The following ADSS2 variants were observed in gnomAD, a reference collection of about 807,000 sequenced individuals.
The protein encoded by ADSS2 is adenylosuccinate synthetase isozyme 2.
In ADSS2, 30 loss-of-function variants were observed where a neutral mutation model predicts 60.0. That is an observed-to-expected ratio of 0.50 (90% CI 0.37 to 0.68). The LOEUF is 0.68. Among genes scored for constraint, ADSS2 ranks in the 30% least tolerant of loss-of-function variants. The pLI is 0.00. For missense variants in ADSS2, 373 were observed against 554.8 expected (o/e 0.67, Z 3.29); for synonymous variants, 187 against 193.1 (o/e 0.97, Z 0.26).
At chr1:244,422,077 T>C (rs1664688229) in intron 7 of ADSS2, among the ~76,000 whole-genome samples, 1 of 152,164 alleles carries the variant, frequency 6.6e-6, no homozygotes, top group Non-Finnish European at 1.5e-5. Context: ...ATACCTAACA[T>C]TTAGAATGTT....
At chr1:244,415,843 G>A in intron 11 of ADSS2, 138 bp downstream of exon 11, 1 of 620,736 alleles carries the variant, frequency 1.6e-6, no homozygotes, top group South Asian at 2.1e-5. Context: ...CTAATAATAA[G>A]TGAGCAAATT....
At chr1:244,436,766 G>C in intron 3 of ADSS2, 59 bp downstream of exon 3, 2 of 1,429,944 alleles carry the variant, frequency 1.4e-6, no homozygotes, top group South Asian at 2.4e-5. Context: ...TCTGGCATAA[G>C]ATCCTAATAA....
At chr1:244,415,326 T>C (rs1664504481) in intron 11 of ADSS2, among the ~76,000 whole-genome samples, 1 of 152,202 alleles carries the variant, frequency 6.6e-6, no homozygotes, top group African/African-American at 2.4e-5. Context: ...GTAGATACTT[T>C]TTTATAAGAT....
intron 1 of ADSS2, among the ~76,000 whole-genome samples, chr1:244,440,322 A>T (rs1308915174): frequency 6.6e-6 from 1 of 152,208 alleles, no homozygotes; most frequent in Non-Finnish European, 1.5e-5. Context: ...AAAATGCTAG[A>T]AAAATAGGCC....
intron 7 of ADSS2, among the ~76,000 whole-genome samples, chr1:244,422,108 T>C (rs545893785): frequency 4.6e-5 from 7 of 152,246 alleles, no homozygotes; most frequent in Non-Finnish European, 1.0e-4. Flanking sequence ...CATATTTTTT[T>C]AGAACTTAGT....
chr1:244,436,060 T>C (rs1214906623), intron 3 of ADSS2, among the ~76,000 whole-genome samples: 4 of 152,222 alleles, frequency 2.6e-5, no homozygotes, highest in Non-Finnish European at 5.9e-5. Context: ...AAGGCCTTTT[T>C]TCCCCTGGAA....
chr1:244,447,091 C>A (rs919506238), intron 1 of ADSS2, among the ~76,000 whole-genome samples: 1 of 152,264 alleles, frequency 6.6e-6, no homozygotes, highest in African/African-American at 2.4e-5. Context: ...ATTTATTGTT[C>A]TTTTCATTGC....
intron 8 of ADSS2, 28 bp from the exon 9 acceptor site, chr1:244,418,942 T>C (rs1664599516): frequency 1.9e-6 from 3 of 1,543,306 alleles, no homozygotes; most frequent in South Asian, 1.2e-5. Flanking sequence ...CATTAAAATA[T>C]AGTAGACACA....
At chr1:244,432,902 T>C (rs967230927) in intron 3 of ADSS2, among the ~76,000 whole-genome samples, 14 of 151,962 alleles carry the variant, frequency 9.2e-5, no homozygotes, top group Non-Finnish European at 1.9e-4. Flanking sequence ...TCTCCTGACC[T>C]TGTGATCCAC....
At chr1:244,430,339 G>A (rs1664910335) in intron 4 of ADSS2, among the ~76,000 whole-genome samples, 1 of 152,256 alleles carries the variant, frequency 6.6e-6, no homozygotes, top group South Asian at 2.1e-4. Context: ...AATGAAGAAG[G>A]AAGATGGAGA....
chr1:244,421,579 C>T (rs1664676377), intron 7 of ADSS2, among the ~76,000 whole-genome samples: 1 of 152,218 alleles, frequency 6.6e-6, no homozygotes, highest in African/African-American at 2.4e-5. Flanking sequence ...TTATTCTTCA[C>T]CTACTTTACA....
intron 10 of ADSS2, 97 bp downstream of exon 10, chr1:244,417,531 G>A (rs572216878): frequency 9.1e-6 from 13 of 1,422,854 alleles, no homozygotes; most frequent in African/African-American, 2.9e-5. Flanking sequence ...GGAGTCTAAA[G>A]AGTGAAATTT....
intron 10 of ADSS2, 59 bp from the exon 11 acceptor site, chr1:244,416,137 A>G: frequency 8.8e-7 from 1 of 1,136,874 alleles, no homozygotes; most frequent in Non-Finnish European, 1.3e-6. Flanking sequence ...TCTAATATCT[A>G]ATTTGATTAA....
intron 4 of ADSS2, among the ~76,000 whole-genome samples, chr1:244,427,603 A>C (rs1312860225): frequency 6.6e-6 from 1 of 152,150 alleles, no homozygotes; most frequent in African/African-American, 2.4e-5. Flanking sequence ...ACACAGATAC[A>C]CTAAGGATTA....
At position 244,444,922 on chromosome 1, in the gene ADSS2, T is replaced by C. The variant is rs137974563; in HGVS notation, c.183+6713A>G. Among the ~76,000 whole-genome samples, 557 of 152,288 alleles carry C rather than the reference T, an allele frequency of 3.7e-3. 5 individuals carry two copies. The highest frequency in any genetic ancestry group is 0.013 in the African/African-American group (528 of 41,558). On this transcript the variant is annotated intron_variant, in intron 1 of 12. Transcript: ENST00000366535. ...AACTCCAGGTTAGTTATAGCTTTTG[T>C]ATGCTCAGTCCCCCTCCTTTTCCCC... is the stretch of plus-strand genomic sequence containing the variant.
intron 1 of ADSS2, among the ~76,000 whole-genome samples, chr1:244,441,334 A>C (rs1665243139): frequency 6.6e-6 from 1 of 152,210 alleles, no homozygotes; most frequent in Admixed American, 6.5e-5. Context: ...CTGGGATTAC[A>C]GGCGTGAGCC....
intron 4 of ADSS2, among the ~76,000 whole-genome samples, chr1:244,425,856 T>C (rs1345192154): frequency 2.0e-5 from 3 of 152,138 alleles, no homozygotes; most frequent in African/African-American, 4.8e-5. Context: ...TTTAAAGCCA[T>C]ATCAGTATAC....
intron 4 of ADSS2, among the ~76,000 whole-genome samples, chr1:244,431,260 C>G (rs994172903): frequency 1.4e-4 from 21 of 152,008 alleles, no homozygotes; most frequent in African/African-American, 4.6e-4. Flanking sequence ...AAATAGGCAA[C>G]AAAAATGACA....
chr1:244,410,169 A>G (rs1664379388), intron 12 of ADSS2, among the ~76,000 whole-genome samples: 1 of 152,202 alleles, frequency 6.6e-6, no homozygotes, highest in African/African-American at 2.4e-5. Flanking sequence ...ACTGCTGTTT[A>G]TATTTCAAGA....
Sources: allele counts gnomAD v4.1 joint callset (sites outside exome capture counted in the v4.1 genomes callset), GRCh38; gene constraint gnomAD v4.1.1; transcripts MANE v1.5; gene names NCBI Gene and HGNC (gene_info 2026-07-23, HGNC 2026-07-21).